Variants in ZGRF1 observed in about 807,000 individuals in gnomAD.
ZGRF1 encodes zinc finger GRF-type containing 1.
In ZGRF1, 196 loss-of-function variants were observed where a neutral mutation model predicts 203.5. That is an observed-to-expected ratio of 0.96 (90% CI 0.86 to 1.08). ZGRF1 has a LOEUF of 1.08. Among genes scored for constraint, ZGRF1 ranks in the 50% least tolerant of loss-of-function variants. The pLI, the probability that ZGRF1 is intolerant of heterozygous loss-of-function variation, is 0.00. For synonymous variants in ZGRF1, 809 were observed against 841.3 expected (o/e 0.96, Z 0.66); for missense variants, 2,326 against 2,416.3 (o/e 0.96, Z 0.78).
chr4:112,631,998 G>A lies in ZGRF1; in HGVS notation c.34C>T (p.His12Tyr), dbSNP rs759982681. 5.1e-6 allele frequency: 8 copies of A among 1,560,196 alleles called. No individual in the cohort carries two copies. The South Asian group carries it at 8.4e-5, about 16-fold the overall frequency. The change falls in exon 3 of 28, where the codon CAT becomes TAT. Residue 12 changes from histidine (H) to tyrosine (Y), a missense_variant. By Grantham distance (83) the His-to-Tyr change is moderately conservative. Transcript: ENST00000505019. ...ACTTTTGACTTCTTCATCTTTTGAT[G>A]AGTATATAGAACCTTATTTCCAAAA... is the stretch of plus-strand genomic sequence containing the variant. ...ESQEFIVLYTHQKMKKSKVWQ... is the reference protein window; with the variant it reads ...ESQEFIVLYTYQKMKKSKVWQ...
rs1449030133 is a variant in ZGRF1 at position 112,587,872 on chromosome 4, C to T, written c.3185G>A (p.Ser1062Asn). Reference protein sequence around the residue: ...NENLQRLSLLSRTQVPLITLP... With the variant: ...NENLQRLSLLNRTQVPLITLP... ...AGTAATAAGTGGAACCTGGGTTCTA[C>T]TTAATAATGAAAGCCTTTGAAGGTT... Residue 1062 changes from serine (S) to asparagine (N), a missense_variant, in exon 12 of 28, where the codon AGT becomes AAT. Transcript: ENST00000505019. 6.5e-7 allele frequency: 1 copy of T among 1,549,726 alleles called. No homozygotes were observed. Among genetic ancestry groups the T allele is most frequent in the South Asian group, 1.2e-5 (1 of 83,382 alleles).
At chr4:112,636,041 C>T (rs1359966383) in intron 1 of ZGRF1, among the ~76,000 whole-genome samples, 1 of 151,874 alleles carries the variant, frequency 6.6e-6, no homozygotes, top group Non-Finnish European at 1.5e-5. Flanking sequence ...AGTCAACACC[C>T]TTTCTTATCT....
intron 25 of ZGRF1, 58 bp downstream of exon 25, chr4:112,541,034 C>T: frequency 6.5e-7 from 1 of 1,543,978 alleles, no homozygotes; most frequent in South Asian, 1.2e-5. Flanking sequence ...CAAACAACAA[C>T]AAAATTAAAC....
In ZGRF1 at chr4:112,558,146, C is replaced by G. The variant is rs1017782245; in HGVS notation, c.5120+4G>C. 3.8e-6 allele frequency: 6 copies of G among 1,599,220 alleles called. No homozygotes were observed. The highest frequency in any genetic ancestry group is 2.7e-5 in the African/African-American group (2 of 73,788). On this transcript the variant is annotated splice_donor_region_variant and intron_variant, in intron 20 of 27. Coordinates refer to ENST00000505019, the MANE Select transcript of ZGRF1 (RefSeq NM_018392.5). ...AGCTACTTAAATGCACTTGTCATGC[C>G]TACCCAAGAAGTACTCTGTCAACAG...
At position 112,549,679 on chromosome 4, in the gene ZGRF1, G is replaced by A. The variant is rs181315727; in HGVS notation, c.5347-1299C>T. Among the ~76,000 whole-genome samples, 282 of 151,962 alleles carry A rather than the reference G, an allele frequency of 1.9e-3. 1 individual carries two copies. The highest frequency in any genetic ancestry group is 1.9e-3 in the Non-Finnish European group (128 of 67,998). The stretch of plus-strand genomic sequence containing the variant: ...ATAAAAGTATAGCACATACAGTTAC[G>A]TACAGTTCATAATACTTGATAATAA... On this transcript the variant is annotated intron_variant, in intron 22 of 27. Transcript: ENST00000505019.
In ZGRF1 at chr4:112,619,406, A is replaced by G; in HGVS notation, c.636T>C (p.Tyr212=). 1.9e-6 allele frequency: 3 copies of G among 1,613,326 alleles called. No individual in the cohort carries two copies. The highest frequency in any genetic ancestry group is 2.5e-6 in the Non-Finnish European group (3 of 1,179,498). Residue 212 remains tyrosine, a synonymous_variant, in exon 6 of 28, where the codon TAT becomes TAC. Transcript: ENST00000505019. Reference sequence around the variant, plus strand: ...TTCCAGAATTGACAGGTGAGCAAAAATAATTTTCTTCACACAGCACTTCTG... The same window carrying G: ...TTCCAGAATTGACAGGTGAGCAAAAGTAATTTTCTTCACACAGCACTTCTG... ...INPEVLCEEN[Y]FCSPVNSGNK...
At chr4:112,609,867 A>C (rs1159910610) in intron 7 of ZGRF1, among the ~76,000 whole-genome samples, 1 of 152,108 alleles carries the variant, frequency 6.6e-6, no homozygotes, top group Non-Finnish European at 1.5e-5. Flanking sequence ...CTGGCCAGGC[A>C]TTGTGGCTCA....
chr4:112,600,975 T>G lies in ZGRF1; in HGVS notation c.2976+2549A>C, dbSNP rs370920866. 1.1e-4 allele frequency among the ~76,000 whole-genome samples: 16 copies of G among 152,122 alleles called. No homozygotes were observed. In the East Asian group the frequency reaches 1.6e-3, roughly 15 times the overall value. On this transcript the variant is annotated intron_variant, in intron 10 of 27. Transcript: ENST00000505019. ...TCATACTGTCTTTTTCTCAATCCTT[T>G]GACTCTGCCAGACTTCATCACCCCT...
chr4:112,540,624 T>G (rs1053449912), intron 26 of ZGRF1, among the ~76,000 whole-genome samples, 197 bp downstream of exon 26: 5 of 152,186 alleles, frequency 3.3e-5, no homozygotes, highest in African/African-American at 9.6e-5. Context: ...TAATTAAACC[T>G]TGTTAGGTTT....
At chr4:112,628,999 T>G (rs1363854928) in intron 3 of ZGRF1, 2 of 319,982 alleles carry the variant, frequency 6.3e-6, no homozygotes, top group Non-Finnish European at 1.2e-5. Context: ...TCACATGACT[T>G]GAACATAGCG....
chr4:112,549,106 T>G (rs1446874314), intron 22 of ZGRF1, among the ~76,000 whole-genome samples: 1 of 15,244 alleles, frequency 6.6e-5, no homozygotes, highest in Non-Finnish European at 1.3e-4. Context: ...AGAGCGAGAC[T>G]CCGTCTCAAA....
intron 25 of ZGRF1, 37 bp from the exon 26 acceptor site, chr4:112,540,992 G>A (rs1407483941): frequency 6.4e-7 from 1 of 1,553,078 alleles, no homozygotes; most frequent in Admixed American, 2.0e-5. Flanking sequence ...ATATTTCCCA[G>A]AAAGGCTATG....
intron 8 of ZGRF1, 30 bp from the exon 9 acceptor site, chr4:112,606,121 T>C: frequency 7.7e-7 from 1 of 1,293,462 alleles, no homozygotes; most frequent in Non-Finnish European, 1.1e-6. Context: ...AGTTATCTAG[T>C]TAGCTAGAAT....
chr4:112,554,688 G>A lies in ZGRF1; in HGVS notation c.5198+17C>T. On this transcript the variant is annotated intron_variant, in intron 21 of 27. Coordinates refer to ENST00000505019, the MANE Select transcript of ZGRF1 (RefSeq NM_018392.5). ...CCCTCTGACCATTCTGTGACTTCTGGAATTTTGCATTCTTACCTATAAGGT... is the reference window on the plus strand; with the variant it reads ...CCCTCTGACCATTCTGTGACTTCTGAAATTTTGCATTCTTACCTATAAGGT... 1 of 1,350,854 alleles carries A rather than the reference G, an allele frequency of 7.4e-7. No homozygotes were observed. Among genetic ancestry groups the A allele is most frequent in the East Asian group, 2.5e-5 (1 of 39,732 alleles). 83.7% of individuals were successfully genotyped at this position (1,350,854 alleles called of 1,614,324 possible). A position where few individuals can be genotyped will look rare whatever the true frequency, so the allele number is the denominator to read the frequency against.
At chr4:112,595,195 A>C (rs1748794869) in intron 10 of ZGRF1, among the ~76,000 whole-genome samples, 1 of 152,174 alleles carries the variant, frequency 6.6e-6, no homozygotes, top group East Asian at 1.9e-4. Flanking sequence ...AACAGTTGTG[A>C]CATAGTTGTC....
chr4:112,628,702 A>T (rs949669757), intron 3 of ZGRF1: 6 of 455,760 alleles, frequency 1.3e-5, no homozygotes, highest in African/African-American at 1.2e-4. Context: ...TATAATGGGC[A>T]CTCAACAAAT....
chr4:112,628,954 C>G (rs551667184), intron 3 of ZGRF1: 2 of 340,500 alleles, frequency 5.9e-6, no homozygotes, highest in East Asian at 1.5e-4. Flanking sequence ...TATGCAAAGA[C>G]CTGAATATTC....
At chr4:112,568,711 C>CAAAAAA (rs76531414) in intron 16 of ZGRF1, among the ~76,000 whole-genome samples, 1 of 42,852 alleles carries the variant, frequency 2.3e-5, no homozygotes, top group African/African-American at 1.0e-4. Context: ...AACTCTGTCT[C>CAAAAAA]AAAAAAAAAA....
At chr4:112,604,415 A>G (rs1750464296) in intron 9 of ZGRF1, among the ~76,000 whole-genome samples, 8 of 152,162 alleles carry the variant, frequency 5.3e-5, no homozygotes. Flanking sequence ...TAGACTCACA[A>G]CTTCATACTT....
Sources: allele counts gnomAD v4.1 joint callset (sites outside exome capture counted in the v4.1 genomes callset), GRCh38; gene constraint gnomAD v4.1.1; transcripts MANE v1.5; gene names NCBI Gene and HGNC (gene_info 2026-07-23, HGNC 2026-07-21).